Variants in ZNF75A observed in about 807,000 individuals in gnomAD.
ZNF75A encodes the protein zinc finger protein 75A.
In ZNF75A, 36 loss-of-function variants were observed where a neutral mutation model predicts 46.3. That is an observed-to-expected ratio of 0.78 (90% CI 0.60 to 1.03). The LOEUF is 1.03. Among genes scored for constraint, ZNF75A ranks in the 50% least tolerant of loss-of-function variants. The pLI is 0.00. For synonymous variants in ZNF75A, 234 were observed against 189.9 expected, an observed-to-expected ratio of 1.23 and a Z score of -1.91; for missense variants, 595 against 551.3, an observed-to-expected ratio of 1.08 and a Z score of -0.79.
intron 5 of ZNF75A, 22 bp downstream of exon 5, chr16:3,313,197 T>A (rs1265047966): frequency 6.2e-7 from 1 of 1,611,194 alleles, no homozygotes; most frequent in South Asian, 1.1e-5. Flanking sequence ...CCCTTCCCTT[T>A]ATGTAGTTGA....
At chr16:3,318,923 C>CT, downstream of ZNF75A, 1 of 830,456 alleles carries the variant, frequency 1.2e-6, no homozygotes, top group Non-Finnish European at 1.5e-6. Context: ...CTCTACCTGT[C>CT]TTTGTTCTTT....
At chr16:3,315,054 T>A (rs1961099647) in intron 5 of ZNF75A, 1 of 985,224 alleles carries the variant, frequency 1.0e-6, no homozygotes, top group Admixed American at 6.2e-5. Context: ...ATGTACGTGC[T>A]CATTCCTTGT....
downstream of ZNF75A, among the ~76,000 whole-genome samples, chr16:3,319,078 A>G (rs1961424373): frequency 6.6e-6 from 1 of 152,156 alleles, no homozygotes; most frequent in Non-Finnish European, 1.5e-5. Context: ...TAGGTATATC[A>G]GGAAAGGGGT....
At chr16:3,310,981 T>C in intron 2 of ZNF75A, 1 of 983,836 alleles carries the variant, frequency 1.0e-6, no homozygotes, top group South Asian at 4.7e-5. Flanking sequence ...TTCTCCATTC[T>C]ATCCCCATTC....
At chr16:3,313,841 T>C (rs1489506174) in intron 5 of ZNF75A, among the ~76,000 whole-genome samples, 1 of 152,230 alleles carries the variant, frequency 6.6e-6, no homozygotes, top group African/African-American at 2.4e-5. Context: ...GTCTGGTTCC[T>C]GCTCATCTGT....
chr16:3,321,210 A>G (rs116021160), downstream of ZNF75A, among the ~76,000 whole-genome samples: 597 of 152,332 alleles, frequency 3.9e-3, 9 homozygotes, highest in African/African-American at 0.014. Context: ...AGCCTTAAAC[A>G]TTAGTACTAA....
At chr16:3,315,167 G>A (rs1236503261) in intron 5 of ZNF75A, 1 of 812,876 alleles carries the variant, frequency 1.2e-6, no homozygotes, top group Admixed American at 6.3e-5. Flanking sequence ...CAGTTGCTCA[G>A]GGCAAACAAA....
At chr16:3,312,133 C>G (rs1960854234) in intron 3 of ZNF75A, 185 bp downstream of exon 3, 1 of 157,136 alleles carries the variant, frequency 6.4e-6, no homozygotes. Flanking sequence ...GGGAGTAGGC[C>G]TAGAGAACAG....
intron 1 of ZNF75A, chr16:3,306,642 G>A (rs1415117378): frequency 6.6e-6 from 1 of 152,102 alleles, no homozygotes; most frequent in African/African-American, 2.4e-5. Context: ...AACCGGGGAG[G>A]TGGAAGTTGC....
intron 5 of ZNF75A, 95 bp downstream of exon 5, chr16:3,313,270 C>G: frequency 1.5e-6 from 2 of 1,294,034 alleles, no homozygotes; most frequent in African/African-American, 1.5e-5. Flanking sequence ...GTTCCAGGAG[C>G]TGGTTGATTC....
intron 5 of ZNF75A, 89 bp downstream of exon 5, chr16:3,313,264 C>G: frequency 7.2e-7 from 1 of 1,381,204 alleles, no homozygotes; most frequent in Non-Finnish European, 1.0e-6. Context: ...CTTACTGTTC[C>G]AGGAGCTGGT....
intron 1 of ZNF75A, chr16:3,307,223 T>A (rs1960348532): frequency 6.6e-6 from 1 of 152,210 alleles, no homozygotes; most frequent in South Asian, 2.1e-4. Context: ...AGTGCTGGGA[T>A]TACAGGCATG....
At chr16:3,323,036 A>G (rs545952001), downstream of ZNF75A, 6 of 592,492 alleles carry the variant, frequency 1.0e-5, no homozygotes, top group Middle Eastern at 1.8e-3. Context: ...AACCTAAGCT[A>G]CTGTCTTTTT....
intron 5 of ZNF75A, among the ~76,000 whole-genome samples, chr16:3,313,926 A>G (rs1961000926): frequency 6.6e-6 from 1 of 152,014 alleles, no homozygotes; most frequent in Non-Finnish European, 1.5e-5. Context: ...TGTTAATTGA[A>G]TTTGTCAAGT....
downstream of ZNF75A, chr16:3,322,992 T>C (rs977567611): frequency 1.1e-6 from 1 of 934,358 alleles, no homozygotes; most frequent in East Asian, 1.2e-4. Flanking sequence ...AATTTTTCCT[T>C]GGAACTGGAC....
downstream of ZNF75A, among the ~76,000 whole-genome samples, chr16:3,320,701 A>G (rs1216596544): frequency 2.6e-5 from 4 of 152,128 alleles, no homozygotes; most frequent in East Asian, 1.9e-4. Context: ...TGAATGGGCT[A>G]TGGTGGGGGT....
At position 3,317,254 on chromosome 16, in the gene ZNF75A, A is replaced by G; in HGVS notation, c.999A>G (p.Gln333=). Residue 333 remains glutamine (Q), a synonymous_variant, in exon 7 of 7, where the codon CAA becomes CAG. Coordinates refer to ENST00000669516, the MANE Select transcript of ZNF75A (RefSeq NM_001302109.2). ...TGTCTCTTTCTGACTTAGAAATACA[A>G]GCATCAGCAGGCGTCATATCAAAAA... ...QPVSLSDLEI[Q]ASAGVISKKA... is the part of the protein sequence containing the mutation. 6.2e-7 allele frequency: 1 copy of G among 1,614,054 alleles called. No individual in the cohort carries two copies. Among genetic ancestry groups the G allele is most frequent in the Non-Finnish European group, 8.5e-7 (1 of 1,180,012 alleles).
rs913460641 is a variant in ZNF75A, at chr16:3,311,891, C to T, written c.547C>T (p.Leu183=). The T allele has an allele frequency of 1.3e-5, 13 of 1,000,222 alleles. No homozygotes were observed. The highest frequency in any genetic ancestry group is 1.6e-5 in the Non-Finnish European group (13 of 837,242). The allele number at this position is 1,000,222 out of a possible 1,614,324, so 62.0% of individuals were successfully genotyped here. Residue 183 remains leucine (L), a synonymous_variant, in exon 3 of 7, where the codon CTG becomes TTG. Transcript: ENST00000669516. ...DEEFWNTYEG[L]QEQLSRNTHK... ...AGAATTTTGGAATACATACGAGGGT[C>T]TGCAAGAACAGCTCAGCAGGAATAC...
rs1442599161 is a variant in ZNF75A, at chr16:3,308,810, A to G, written c.382A>G (p.Arg128Gly). Reference protein sequence around the residue: ...EAVALVEHLQRESGQTWNGVA... With the variant: ...EAVALVEHLQGESGQTWNGVA... Reference sequence around the variant, plus strand: ...TGTGGCTCTGGTAGAACACTTGCAGAGGGAATCTGGTCAAACATGGAATGG... The same window carrying G: ...TGTGGCTCTGGTAGAACACTTGCAGGGGGAATCTGGTCAAACATGGAATGG... Residue 128 changes from arginine (R) to glycine (G), a missense_variant, in exon 2 of 7, where the codon AGG (arginine) becomes GGG (glycine). By Grantham distance (125) the Arg-to-Gly change is moderately radical (BLOSUM62 -2). Transcript: ENST00000669516. 48 of 986,130 alleles carry G rather than the reference A, an allele frequency of 4.9e-5. No individual in the cohort carries two copies. The highest frequency in any genetic ancestry group is 5.7e-5 in the Non-Finnish European group (47 of 830,084). 61.1% of individuals were successfully genotyped at this position (986,130 alleles called of 1,614,324 possible).
Sources: allele counts gnomAD v4.1 joint callset (sites outside exome capture counted in the v4.1 genomes callset), GRCh38; gene constraint gnomAD v4.1.1; transcripts MANE v1.5; gene names NCBI Gene and HGNC (gene_info 2026-07-23, HGNC 2026-07-21).